The following UNC79 variants were observed in gnomAD, a reference collection of about 807,000 sequenced individuals.
UNC79 encodes the protein unc-79 subunit of NALCN channel complex.
A neutral mutation model predicts 283.1 loss-of-function variants in UNC79; 37 were observed. The observed-to-expected ratio is 0.13, with a 90% CI of 0.10 to 0.17. The LOEUF is 0.17. UNC79 is among the 10% of genes least tolerant of loss of function. UNC79 has a pLI of 1.00. For missense variants in UNC79, 2,272 were observed against 3,211.1 expected (o/e 0.71, Z 7.07); for synonymous variants, 1,107 against 1,200.2 (o/e 0.92, Z 1.61).
intron 1 of UNC79, among the ~76,000 whole-genome samples, chr14:93,432,378 A>G (rs1020398965): frequency 1.3e-5 from 2 of 152,312 alleles, no homozygotes; most frequent in Non-Finnish European, 2.9e-5. Context: ...GACCTTGGGC[A>G]AGATAATTGA....
chr14:93,493,188 AAGGGGGGGCGGTTCAGGAAGAG>A (rs1175356382), intron 5 of UNC79, among the ~76,000 whole-genome samples: 9 of 152,168 alleles, frequency 5.9e-5, no homozygotes, highest in African/African-American at 1.9e-4. Flanking sequence ...CAAGGCCTAC[AAGGGGGGGCGGTTCAGGAAGAG>A]GAATCTCATG....
At chr14:93,565,652 G>A (rs980692703) in intron 14 of UNC79, among the ~76,000 whole-genome samples, 3 of 134,398 alleles carry the variant, frequency 2.2e-5, no homozygotes, top group East Asian at 3.9e-4. Flanking sequence ...TTCTCAGGCC[G>A]TATTTAGTTT....
At chr14:93,647,846 A>C (rs2069793315) in intron 35 of UNC79, among the ~76,000 whole-genome samples, 1 of 152,240 alleles carries the variant, frequency 6.6e-6, no homozygotes, top group African/African-American at 2.4e-5. Context: ...GAGGCCTCAC[A>C]ATCATGGTGG....
At chr14:93,462,089 T>C (rs1482567658) in intron 1 of UNC79, among the ~76,000 whole-genome samples, 1 of 152,094 alleles carries the variant, frequency 6.6e-6, no homozygotes, top group African/African-American at 2.4e-5. Flanking sequence ...GTCAGATCAC[T>C]TGAGGCCAGG....
chr14:93,411,144 C>G (rs746459352), intron 1 of UNC79, among the ~76,000 whole-genome samples: 1 of 152,056 alleles, frequency 6.6e-6, no homozygotes, highest in Non-Finnish European at 1.5e-5. Flanking sequence ...GCTCTTGGGC[C>G]TTAAGGGAGT....
At chr14:93,633,725 A>G (rs557728930) in intron 31 of UNC79, among the ~76,000 whole-genome samples, 1 of 152,324 alleles carries the variant, frequency 6.6e-6, no homozygotes, top group African/African-American at 2.4e-5. Context: ...TCTACTGGCA[A>G]AAGTGTTTTT....
chr14:93,696,131 G>A (rs1465198510), intron 47 of UNC79, among the ~76,000 whole-genome samples: 2 of 152,096 alleles, frequency 1.3e-5, no homozygotes, highest in Non-Finnish European at 2.9e-5. Flanking sequence ...GTTATTGCAT[G>A]TAGCAGTGGA....
chr14:93,487,307 A>G (rs780933723), intron 4 of UNC79, among the ~76,000 whole-genome samples: 24 of 152,178 alleles, frequency 1.6e-4, no homozygotes, highest in Non-Finnish European at 2.8e-4. Context: ...ATACCCTTCA[A>G]TATGTCTTTA....
chr14:93,640,691 A>C (rs1410243413), intron 32 of UNC79, among the ~76,000 whole-genome samples: 1 of 152,192 alleles, frequency 6.6e-6, no homozygotes, highest in African/African-American at 2.4e-5. Flanking sequence ...AAGTGCATGG[A>C]GTTCTGGGAT....
At chr14:93,701,505 G>C (rs1270154004) in intron 47 of UNC79, among the ~76,000 whole-genome samples, 1 of 152,058 alleles carries the variant, frequency 6.6e-6, no homozygotes, top group Non-Finnish European at 1.5e-5. Flanking sequence ...TTTTTTAAAT[G>C]TCCTTCAGTT....
At chr14:93,356,761 CTGTT>C (rs2054093842) in intron 1 of UNC79, among the ~76,000 whole-genome samples, 1 of 152,144 alleles carries the variant, frequency 6.6e-6, no homozygotes, top group Non-Finnish European at 1.5e-5. Flanking sequence ...GCCTAGTAAT[CTGTT>C]TTTAAAGCTA....
At chr14:93,665,521 G>T (rs2072092702) in intron 40 of UNC79, among the ~76,000 whole-genome samples, 1 of 151,820 alleles carries the variant, frequency 6.6e-6, no homozygotes, top group Non-Finnish European at 1.5e-5. Context: ...TTCTGATTCA[G>T]GAAGCACAAT....
At chr14:93,449,940 T>C (rs1371344924) in intron 1 of UNC79, among the ~76,000 whole-genome samples, 1 of 152,218 alleles carries the variant, frequency 6.6e-6, no homozygotes, top group Non-Finnish European at 1.5e-5. Context: ...TACGTTATTA[T>C]TACTTTTGAA....
chr14:93,542,804 C>T (rs2061434309), intron 14 of UNC79, 108 bp downstream of exon 14: 1 of 1,014,976 alleles, frequency 9.9e-7, no homozygotes, highest in African/African-American at 1.6e-5. Context: ...GAACATCTCT[C>T]CTTATTTTAA....
At chr14:93,614,721 C>G (rs2066573759) in intron 27 of UNC79, among the ~76,000 whole-genome samples, 1 of 152,078 alleles carries the variant, frequency 6.6e-6, no homozygotes, top group Non-Finnish European at 1.5e-5. Flanking sequence ...TTATGCCACA[C>G]CATCATCACT....
At chr14:93,641,048 T>C (rs2140198802) in intron 32 of UNC79, 97 bp from the exon 36 acceptor site, 1 of 937,754 alleles carries the variant, frequency 1.1e-6, no homozygotes, top group Non-Finnish European at 1.6e-6. Context: ...TTCCTGGGAA[T>C]GTGATCTTTG....
At chr14:93,567,720 C>A (rs1411180282) in intron 14 of UNC79, among the ~76,000 whole-genome samples, 1 of 152,162 alleles carries the variant, frequency 6.6e-6, no homozygotes, top group East Asian at 1.9e-4. Context: ...TGACTACTTT[C>A]TTTTGTGAAC....
intron 1 of UNC79, among the ~76,000 whole-genome samples, chr14:93,335,478 A>G (rs938690263): frequency 1.3e-5 from 2 of 152,228 alleles, no homozygotes; most frequent in Non-Finnish European, 1.5e-5. Flanking sequence ...AGAGTGAAAA[A>G]CATTTTTTTA....
chr14:93,682,719 C>G (rs1473481675), intron 42 of UNC79, 25 bp downstream of exon 45: 1 of 1,603,152 alleles, frequency 6.2e-7, no homozygotes, highest in Non-Finnish European at 8.5e-7. Context: ...AATTCATTGT[C>G]TACATACTTA....
Sources: allele counts gnomAD v4.1 joint callset (sites outside exome capture counted in the v4.1 genomes callset), GRCh38; gene constraint gnomAD v4.1.1; transcripts MANE v1.5; gene names NCBI Gene and HGNC (gene_info 2026-07-23, HGNC 2026-07-21).